Variants in TEX48 observed in about 807,000 individuals in gnomAD.
TEX48 encodes the protein testis expressed 48, also known as testis-expressed protein 48.
A neutral mutation model predicts 13.2 loss-of-function variants in TEX48; 10 were observed. The ratio of observed to expected loss-of-function variants is 0.75; its 90% CI spans 0.47 to 1.28. TEX48 has a LOEUF of 1.28. Among genes scored for constraint, TEX48 ranks in the 50% most tolerant of loss-of-function variants. TEX48 has a pLI of 0.00. For missense variants in TEX48, 116 were observed against 139.4 expected, an observed-to-expected ratio of 0.83 and a Z score of 0.84; for synonymous variants, 45 against 52.3, an observed-to-expected ratio of 0.86 and a Z score of 0.60.
chr9:114,679,843 C>T (rs6478100), intron 1 of TEX48, among the ~76,000 whole-genome samples: 90,781 of 151,896 alleles, frequency 0.6, 27,641 homozygotes, highest in African/African-American at 0.72. Context: ...GTAGCCCACA[C>T]CCTAGGGTAC....
chr9:114,668,695 G>T lies in TEX48; in HGVS notation c.128-358C>A, dbSNP rs1019492776. 5.3e-5 allele frequency among the ~76,000 whole-genome samples: 8 copies of T among 152,226 alleles called. No homozygotes were observed. In the East Asian group the frequency reaches 1.5e-3, roughly 29 times the overall value. On this transcript the variant is annotated intron_variant, in intron 3 of 4. Coordinates refer to ENST00000436752, the MANE Select transcript of TEX48 (RefSeq NM_001199233.2). The stretch of plus-strand genomic sequence containing the variant: ...TGTAATGCATACGCTTTATAGAAAA[G>T]TTAGGAAATATTGAATAGTATAAGG...
chr9:114,666,829 T>C, intron 4 of TEX48, 83 bp from the exon 5 acceptor site: 1 of 700,488 alleles, frequency 1.4e-6, no homozygotes, highest in East Asian at 2.7e-5. Flanking sequence ...TTTGTATCCA[T>C]TGCTGATCAT....
At chr9:114,680,351 T>C (rs1942234955) in intron 1 of TEX48, among the ~76,000 whole-genome samples, 1 of 152,110 alleles carries the variant, frequency 6.6e-6, no homozygotes, top group African/African-American at 2.4e-5. Context: ...GGTCTCGAAC[T>C]CCTGACCTCA....
At chr9:114,676,525 C>T (rs189454142) in intron 1 of TEX48, among the ~76,000 whole-genome samples, 50 of 151,902 alleles carry the variant, frequency 3.3e-4, no homozygotes, top group African/African-American at 1.1e-3. Context: ...TGAAAACCTG[C>T]CATGTTCCAG....
intron 1 of TEX48, among the ~76,000 whole-genome samples, chr9:114,680,103 T>C (rs972102214): frequency 6.7e-6 from 1 of 150,356 alleles, no homozygotes; most frequent in Non-Finnish European, 1.5e-5. Flanking sequence ...TTGAAAATAC[T>C]TTTAATTGTC....
intron 1 of TEX48, among the ~76,000 whole-genome samples, chr9:114,678,306 CT>C (rs1272855094): frequency 6.6e-6 from 1 of 152,140 alleles, no homozygotes; most frequent in Admixed American, 6.5e-5. Context: ...CCCAAATAAA[CT>C]TTTTCAGGGA....
chr9:114,671,268 T>A, intron 3 of TEX48, 115 bp downstream of exon 3: 1 of 1,233,964 alleles, frequency 8.1e-7, no homozygotes. Context: ...CATTTTAAAT[T>A]GGAATTATCA....
intron 1 of TEX48, among the ~76,000 whole-genome samples, chr9:114,680,099 A>T (rs1453203877): frequency 6.8e-6 from 1 of 146,286 alleles, no homozygotes; most frequent in Non-Finnish European, 1.5e-5. Context: ...CTTTTTGAAA[A>T]TACTTTTAAT....
intron 1 of TEX48, among the ~76,000 whole-genome samples, chr9:114,680,042 T>C (rs1307974606): frequency 1.3e-5 from 2 of 151,644 alleles, no homozygotes; most frequent in Admixed American, 6.6e-5. Flanking sequence ...AGGTAGATGG[T>C]CATGCCAGGG....
intron 1 of TEX48, among the ~76,000 whole-genome samples, chr9:114,672,677 A>G: frequency 6.6e-6 from 1 of 151,990 alleles, no homozygotes; most frequent in East Asian, 1.9e-4. Context: ...TATTTCTCTT[A>G]CCCTGAACTT....
At chr9:114,671,328 G>A (rs937552186) in intron 3 of TEX48, 55 bp downstream of exon 3, 3 of 1,523,798 alleles carry the variant, frequency 2.0e-6, no homozygotes, top group Non-Finnish European at 2.6e-6. Context: ...CAGGCAGAGA[G>A]TGAGCAAAGT....
chr9:114,671,463 C>T lies in TEX48; in HGVS notation c.47G>A (p.Cys16Tyr). The change falls in exon 3 of 5, where the codon TGC becomes TAC. Residue 16 changes from cysteine to tyrosine, a missense_variant. Transcript: ENST00000436752. ...NLILKIFCLC[C>Y]RDCQEPYAIN... Reference sequence around the variant, plus strand: ...GGCATAGGGCTCCTGACAGTCCCTGCAGCATAAACAGAAGATCTTCAAGAT... The same window carrying T: ...GGCATAGGGCTCCTGACAGTCCCTGTAGCATAAACAGAAGATCTTCAAGAT... 6.5e-7 allele frequency: 1 copy of T among 1,535,494 alleles called. No individual in the cohort carries two copies. The highest frequency in any genetic ancestry group is 8.7e-7 in the Non-Finnish European group (1 of 1,146,846).
rs1564317173 is a variant in TEX48, at chr9:114,674,656, TCCTTCCTTCC to T, written c.-104-2839_-104-2830del. Reference sequence around the variant, plus strand: ...TTCCTTCCTTCCTTCCTTCCTTCCTTCCTTCCTTCCTTCTTTCCTTCTCTCTTGCTCTCAC... The same window carrying T: ...TTCCTTCCTTCCTTCCTTCCTTCCTTTTCTTTCCTTCTCTCTTGCTCTCAC... On this transcript the variant is annotated intron_variant, in intron 1 of 4. Coordinates refer to ENST00000436752, the MANE Select transcript of TEX48 (RefSeq NM_001199233.2). Among the ~76,000 whole-genome samples, 725 of 92,956 alleles carry T rather than the reference TCCTTCCTTCC, an allele frequency of 7.8e-3. 28 individuals carry two copies. Among genetic ancestry groups the T allele is most frequent in the African/African-American group, 0.039 (705 of 18,046 alleles). 61.0% of individuals were successfully genotyped at this position (92,956 alleles called of 152,430 possible). A position where few individuals can be genotyped will look rare whatever the true frequency, so the allele number is the denominator to read the frequency against.
chr9:114,676,206 C>T lies in TEX48; in HGVS notation c.-104-4379G>A, dbSNP rs141690066. On this transcript the variant is annotated intron_variant, in intron 1 of 4. Coordinates refer to ENST00000436752, the MANE Select transcript of TEX48 (RefSeq NM_001199233.2). ...TGAGACAGGGTCTCACTCTGACACC[C>T]GTGCTGGACTGTAGTGGCACCATCA... Among the ~76,000 whole-genome samples, 28 of 152,278 alleles carry T rather than the reference C, an allele frequency of 1.8e-4. No homozygotes were observed. In the East Asian group the frequency reaches 3.3e-3, roughly 18 times the overall value.
intron 4 of TEX48, among the ~76,000 whole-genome samples, chr9:114,667,173 T>A (rs1827856473): frequency 6.6e-6 from 1 of 152,198 alleles, no homozygotes; most frequent in Non-Finnish European, 1.5e-5. Flanking sequence ...CAAGCAGAGC[T>A]GTTCCTCTTT....
chr9:114,674,842 C>CTTTTTT (rs79196358), intron 1 of TEX48, among the ~76,000 whole-genome samples: 10 of 135,140 alleles, frequency 7.4e-5, no homozygotes, highest in Non-Finnish European at 1.3e-4. Context: ...CCAGCAAATT[C>CTTTTTT]TTTTTTTTTT....
At chr9:114,673,996 T>A (rs1282490544) in intron 1 of TEX48, among the ~76,000 whole-genome samples, 1 of 151,736 alleles carries the variant, frequency 6.6e-6, no homozygotes, top group African/African-American at 2.4e-5. Context: ...TGTAGAGACG[T>A]GGTCTCCCTA....
rs56767824 is a variant in TEX48 at position 114,669,445 on chromosome 9, A to AT, written c.128-1109dup. Among the ~76,000 whole-genome samples, 490 of 143,290 alleles carry AT rather than the reference A, an allele frequency of 3.4e-3. 4 individuals carry two copies. Among genetic ancestry groups the AT allele is most frequent in the African/African-American group, 8.3e-3 (327 of 39,166 alleles). 94.0% of individuals were successfully genotyped at this position (143,290 alleles called of 152,430 possible). A position where few individuals can be genotyped will look rare whatever the true frequency, so the allele number is the denominator to read the frequency against. ...AGGTGTGCACCACCATGGCTGGCTA[A>AT]TTTTTTTTTTTTTGAGATAGAGTTT... On this transcript the variant is annotated intron_variant, in intron 3 of 4. Transcript: ENST00000436752.
At position 114,682,064 on chromosome 9, in the gene TEX48, T is replaced by G. The variant is rs1467349173; in HGVS notation, c.-134A>C. The G allele has an allele frequency of 2.0e-5, 3 of 152,392 alleles. No individual in the cohort carries two copies. The highest frequency in any genetic ancestry group is 4.4e-5 in the Non-Finnish European group (3 of 68,222). 9.4% of individuals were successfully genotyped at this position (152,392 alleles called of 1,614,324 possible). On this transcript the variant is annotated 5_prime_UTR_variant, in exon 1 of 5. Coordinates refer to ENST00000436752, the MANE Select transcript of TEX48 (RefSeq NM_001199233.2). Reference sequence around the variant, plus strand: ...AGCTGGCAGAGTAGACAGAAGGCTGTCTGTGATGTCACAGAGCTGGGGAAC... The same window carrying G: ...AGCTGGCAGAGTAGACAGAAGGCTGGCTGTGATGTCACAGAGCTGGGGAAC...
Sources: gnomAD v4.1 joint callset for allele counts (sites outside exome capture counted in the v4.1 genomes callset) on GRCh38, gnomAD v4.1.1 for gene constraint, MANE v1.5 for transcripts, NCBI Gene and HGNC (gene_info 2026-07-23, HGNC 2026-07-21) for gene names.